The following MYO5A variants were observed in gnomAD, a reference collection of about 807,000 sequenced individuals.
The protein encoded by MYO5A is unconventional myosin-Va.
Under a neutral mutation model 249.7 loss-of-function variants are expected in MYO5A, and 98 were observed. That is an observed-to-expected ratio of 0.39 (90% CI 0.33 to 0.46). The LOEUF is 0.46. MYO5A is among the 20% of genes least tolerant of loss of function. MYO5A has a pLI of 0.98. For synonymous variants in MYO5A, 778 were observed against 810.6 expected (o/e 0.96, Z 0.68); for missense variants, 1,696 against 2,308.8 (o/e 0.73, Z 5.44).
intron 1 of MYO5A, among the ~76,000 whole-genome samples, chr15:52,434,713 T>C (rs1014062714): frequency 9.2e-5 from 14 of 152,248 alleles, no homozygotes; most frequent in African/African-American, 3.4e-4. Flanking sequence ...AGTGTTTTTA[T>C]GTGCTTGGAC....
intron 38 of MYO5A, among the ~76,000 whole-genome samples, chr15:52,321,154 C>T (rs1223198085): frequency 6.6e-6 from 1 of 152,186 alleles, no homozygotes; most frequent in Non-Finnish European, 1.5e-5. Context: ...ACTACTGTTT[C>T]AGTCTTGTGG....
rs190350487 is a variant in MYO5A at position 52,315,380 on chromosome 15, T to C, written c.5410-1177A>G. 8.6e-5 allele frequency among the ~76,000 whole-genome samples: 13 copies of C among 151,406 alleles called. No homozygotes were observed. The East Asian group carries it at 2.3e-3, about 27-fold the overall frequency. ...ATTAAGAAGCTGCAAGTCTTGATTC[T>C]GATTGTCTACTGATTGACTTTTTTT... is the stretch of plus-strand genomic sequence containing the variant. On this transcript the variant is annotated intron_variant, in intron 40 of 41. Transcript: ENST00000399233.
chr15:52,403,900 G>A (rs8024439), intron 9 of MYO5A, among the ~76,000 whole-genome samples: 73,977 of 151,972 alleles, frequency 0.49, 19,206 homozygotes, highest in Non-Finnish European at 0.57. Context: ...AAAGAAAATC[G>A]TAAGGATCAA....
At chr15:52,356,800 C>CTTTTTTTTTTTTTTTTTT (rs11316458) in intron 25 of MYO5A, among the ~76,000 whole-genome samples, 2 of 105,820 alleles carry the variant, frequency 1.9e-5, no homozygotes, top group Non-Finnish European at 3.5e-5. Flanking sequence ...ATTTCTTTGA[C>CTTTTTTTTTTTTTTTTTT]TTTTTTTTTT....
intron 9 of MYO5A, among the ~76,000 whole-genome samples, chr15:52,401,159 C>T (rs1221037875): frequency 2.6e-5 from 4 of 151,622 alleles, no homozygotes. Context: ...TAACCTCCAC[C>T]ACCCAGGTTC....
intron 24 of MYO5A, 87 bp downstream of exon 24, chr15:52,364,467 G>T: frequency 7.8e-7 from 1 of 1,280,042 alleles, no homozygotes; most frequent in East Asian, 2.5e-5. Context: ...GTACACAGAA[G>T]ATATGGAGGT....
intron 22 of MYO5A, 145 bp from the exon 23 acceptor site, chr15:52,367,269 A>G (rs529509440): frequency 5.3e-6 from 4 of 749,924 alleles, no homozygotes; most frequent in Non-Finnish European, 9.2e-6. Flanking sequence ...TCACCTTACA[A>G]ACTTGCTCAA....
rs541261293 is a variant in MYO5A at position 52,409,843 on chromosome 15, A to G, written c.756+490T>C. On this transcript the variant is annotated intron_variant, in intron 6 of 41. Coordinates refer to ENST00000399233, the MANE Select transcript of MYO5A (RefSeq NM_001382347.1). ...GATGTAAACCCTACCCAGATGCATC[A>G]ACTGTTTTTTTGATAGTAGTTCACA... Among the ~76,000 whole-genome samples the G allele has an allele frequency of 7.3e-5, 8 of 109,082 alleles. No homozygotes were observed. In the South Asian group the frequency reaches 1.9e-3, roughly 26 times the overall value. 71.6% of individuals were successfully genotyped at this position (109,082 alleles called of 152,430 possible).
intron 1 of MYO5A, among the ~76,000 whole-genome samples, chr15:52,468,051 TAAAC>T: frequency 6.6e-6 from 1 of 152,204 alleles, no homozygotes; most frequent in Middle Eastern, 3.4e-3. Flanking sequence ...TTTAAAAAGT[TAAAC>T]AAAGAAAAGA....
chr15:52,376,535 AC>A lies in MYO5A; in HGVS notation c.2231del (p.Gly744ValfsTer15). 1 of 1,614,214 alleles carries A rather than the reference AC, an allele frequency of 6.2e-7. No homozygotes were observed. The highest frequency in any genetic ancestry group is 8.5e-7 in the Non-Finnish European group (1 of 1,180,022). On this transcript the variant is annotated frameshift_variant, in exon 19 of 42. Transcript: ENST00000399233. LOFTEE classifies it high-confidence loss of function. The part of the protein sequence containing the change: ...LILDKDKYQF[G>X]KTKIFFRAGQ... ...CGGCACGGAAAAAGATCTTTGTCTT[AC>A]CAAACTGGTATTTGTCCTTGTCCTA...
At chr15:52,523,708 A>G (rs577457995) in intron 1 of MYO5A, among the ~76,000 whole-genome samples, 2 of 152,324 alleles carry the variant, frequency 1.3e-5, no homozygotes, top group African/African-American at 4.8e-5. Context: ...AAAGACAAGA[A>G]AAAAGATACG....
intron 40 of MYO5A, among the ~76,000 whole-genome samples, chr15:52,314,413 T>C (rs571418644): frequency 4.5e-4 from 68 of 152,350 alleles, no homozygotes; most frequent in Non-Finnish European, 8.7e-4. Flanking sequence ...TTGTGTAATA[T>C]TGTAAGAAGC....
In MYO5A at chr15:52,339,018, T is replaced by G. The variant is rs567397214; in HGVS notation, c.4240-1134A>C. ...GTAAAATAACACTTCAAAAAATATT[T>G]CATGATTCAGAAAATTTTCCCCACA... On this transcript the variant is annotated intron_variant, in intron 32 of 41. Coordinates refer to ENST00000399233, the MANE Select transcript of MYO5A (RefSeq NM_001382347.1). Among the ~76,000 whole-genome samples the G allele has an allele frequency of 4.3e-4, 66 of 152,332 alleles. 1 individual carries two copies. The South Asian group carries it at 7.9e-3, about 18-fold the overall frequency.
intron 1 of MYO5A, among the ~76,000 whole-genome samples, chr15:52,475,396 G>A (rs2076570506): frequency 6.6e-6 from 1 of 152,046 alleles, no homozygotes; most frequent in Admixed American, 6.6e-5. Context: ...CTTCAGTTCT[G>A]CTCTGAACTT....
At chr15:52,492,247 G>A (rs758878449) in intron 1 of MYO5A, among the ~76,000 whole-genome samples, 4 of 152,108 alleles carry the variant, frequency 2.6e-5, no homozygotes, top group African/African-American at 7.2e-5. Context: ...AACTGTACTC[G>A]TGGCCAAGAT....
intron 38 of MYO5A, 89 bp from the exon 39 acceptor site, chr15:52,319,431 C>T: frequency 6.9e-7 from 1 of 1,439,208 alleles, no homozygotes; most frequent in Non-Finnish European, 9.7e-7. Context: ...CATGCACATT[C>T]AACTTAGGAA....
At chr15:52,402,787 G>C (rs1389601504) in intron 9 of MYO5A, among the ~76,000 whole-genome samples, 1 of 152,132 alleles carries the variant, frequency 6.6e-6, no homozygotes, top group African/African-American at 2.4e-5. Flanking sequence ...GGAGGTTGCA[G>C]TGAGCCAAGA....
chr15:52,393,408 T>A (rs565687242), intron 11 of MYO5A, among the ~76,000 whole-genome samples: 2 of 152,068 alleles, frequency 1.3e-5, no homozygotes, highest in Admixed American at 6.5e-5. Flanking sequence ...TTCTTTTTTT[T>A]TTTGAGACAG....
At chr15:52,323,257 C>T (rs1438723161) in intron 37 of MYO5A, 98 bp downstream of exon 37, 3 of 1,072,244 alleles carry the variant, frequency 2.8e-6, no homozygotes, top group African/African-American at 1.6e-5. Flanking sequence ...AATTTGGGTT[C>T]CTAAATAAAT....
Sources: gnomAD v4.1 joint callset for allele counts (sites outside exome capture counted in the v4.1 genomes callset) on GRCh38, gnomAD v4.1.1 for gene constraint, MANE v1.5 for transcripts, NCBI Gene and HGNC (gene_info 2026-07-23, HGNC 2026-07-21) for gene names.